The following STXBP6 variants were observed in gnomAD, a reference collection of about 807,000 sequenced individuals.
The protein encoded by STXBP6 is syntaxin-binding protein 6.
Under a neutral mutation model 26.9 loss-of-function variants are expected in STXBP6, and 21 were observed. The observed-to-expected ratio is 0.78, with a 90% confidence interval of 0.55 to 1.12. The LOEUF (loss-of-function observed/expected upper bound fraction) is 1.12, where lower values mean the gene tolerates loss of function less well. Among genes scored for constraint, STXBP6 ranks in the 50% most tolerant of loss-of-function variants. The pLI, the probability that STXBP6 is intolerant of heterozygous loss-of-function variation, is 0.00. For missense variants in STXBP6, 232 were observed against 257.9 expected (o/e 0.90, Z 0.69); for synonymous variants, 97 against 92.6 (o/e 1.05, Z -0.27).
intron 2 of STXBP6, among the ~76,000 whole-genome samples, chr14:24,969,774 A>G (rs1346909021): frequency 2.0e-5 from 3 of 152,230 alleles, no homozygotes; most frequent in Non-Finnish European, 4.4e-5. Context: ...CAGACCAGAC[A>G]CAAGCACAGG....
chr14:24,846,976 C>A (rs1379211048), intron 4 of STXBP6, among the ~76,000 whole-genome samples: 4 of 152,124 alleles, frequency 2.6e-5, no homozygotes, highest in Admixed American at 6.5e-5. Flanking sequence ...TTCTCATATA[C>A]TATGCTCAAA....
intron 2 of STXBP6, among the ~76,000 whole-genome samples, chr14:24,863,211 G>T (rs1053078336): frequency 7.2e-5 from 11 of 152,214 alleles, no homozygotes; most frequent in Admixed American, 5.2e-4. Flanking sequence ...CCCAGACTAG[G>T]ACCACGATAT....
intron 2 of STXBP6, among the ~76,000 whole-genome samples, chr14:24,953,377 A>T (rs1382143573): frequency 1.3e-5 from 2 of 152,116 alleles, no homozygotes; most frequent in Non-Finnish European, 2.9e-5. Context: ...TATCTTTGAG[A>T]GCCATTATCA....
chr14:24,974,574 A>T, intron 2 of STXBP6, 91 bp downstream of exon 2: 2 of 1,209,094 alleles, frequency 1.7e-6, no homozygotes, highest in Non-Finnish European at 2.3e-6. Context: ...ACACCTACAA[A>T]ACCTGTGAAT....
intron 2 of STXBP6, among the ~76,000 whole-genome samples, chr14:24,895,133 C>T (rs2070940948): frequency 6.6e-6 from 1 of 152,176 alleles, no homozygotes; most frequent in Admixed American, 6.5e-5. Context: ...CTGTTTTTCT[C>T]ACAGAAATCA....
In STXBP6 at chr14:24,974,775, A is replaced by G; in HGVS notation, c.44T>C (p.Leu15Pro). The part of the protein sequence containing the change: ...SAISKEIFAP[L>P]DERMLGAVQV... The stretch of plus-strand genomic sequence containing the variant: ...GACAGCTCCCAGCATCCTTTCATCA[A>G]GAGGTGCAAAAATTTCCTTGCTGAT... Residue 15 changes from leucine (L) to proline (P), a missense_variant, in exon 2 of 6, where the codon CTT becomes CCT. Physicochemically the swap from Leu to Pro is moderately conservative, Grantham distance 98. Transcript: ENST00000323944. 1.2e-6 allele frequency: 2 copies of G among 1,608,460 alleles called. No homozygotes were observed. The highest frequency in any genetic ancestry group is 1.7e-6 in the Non-Finnish European group (2 of 1,176,958).
At chr14:24,975,408 C>T (rs536659357) in intron 1 of STXBP6, among the ~76,000 whole-genome samples, 4 of 152,286 alleles carry the variant, frequency 2.6e-5, no homozygotes, top group South Asian at 2.1e-4. Context: ...CCTTTGATCA[C>T]GCTAAGTAAT....
At chr14:24,840,206 T>C (rs550867924) in intron 4 of STXBP6, among the ~76,000 whole-genome samples, 1 of 152,310 alleles carries the variant, frequency 6.6e-6, no homozygotes, top group Admixed American at 6.5e-5. Flanking sequence ...GGGATTATCA[T>C]TGATTTGAAA....
chr14:24,874,400 A>G (rs946481012), intron 2 of STXBP6, among the ~76,000 whole-genome samples: 4 of 152,062 alleles, frequency 2.6e-5, no homozygotes, highest in Non-Finnish European at 5.9e-5. Flanking sequence ...TTGCTCAGGT[A>G]TGTTCAGAAG....
intron 2 of STXBP6, among the ~76,000 whole-genome samples, chr14:24,936,683 C>G (rs1227810158): frequency 6.6e-6 from 1 of 152,204 alleles, no homozygotes; most frequent in Non-Finnish European, 1.5e-5. Flanking sequence ...CTCCCACCAA[C>G]AGTGTAAAAG....
intron 2 of STXBP6, among the ~76,000 whole-genome samples, chr14:24,955,908 C>T (rs1044245097): frequency 6.6e-6 from 1 of 152,160 alleles, no homozygotes; most frequent in African/African-American, 2.4e-5. Context: ...ATTCAGCTTT[C>T]GAGCTGAGGA....
intron 2 of STXBP6, among the ~76,000 whole-genome samples, chr14:24,873,936 T>G (rs1486920253): frequency 6.6e-6 from 1 of 152,194 alleles, no homozygotes; most frequent in Non-Finnish European, 1.5e-5. Flanking sequence ...CATGCCCACC[T>G]TGGATAGACA....
intron 1 of STXBP6, among the ~76,000 whole-genome samples, chr14:24,990,598 C>A (rs2074440838): frequency 7.3e-6 from 1 of 136,314 alleles, no homozygotes; most frequent in Non-Finnish European, 1.5e-5. Flanking sequence ...GCGGAGGTTG[C>A]AGTGAGTCGA....
chr14:24,881,734 A>C (rs61109574), intron 2 of STXBP6, among the ~76,000 whole-genome samples: 1,973 of 152,308 alleles, frequency 0.013, 40 homozygotes, highest in African/African-American at 0.043. Context: ...TGCTTGTGAA[A>C]AATAATGACA....
At chr14:24,872,404 G>C (rs1429851742) in intron 2 of STXBP6, among the ~76,000 whole-genome samples, 1 of 152,116 alleles carries the variant, frequency 6.6e-6, no homozygotes, top group Non-Finnish European at 1.5e-5. Context: ...CATACCTGAA[G>C]TCAGTGATAA....
intron 5 of STXBP6, among the ~76,000 whole-genome samples, chr14:24,815,503 ATATAT>A (rs1247630433): frequency 2.7e-5 from 4 of 149,432 alleles, no homozygotes; most frequent in Non-Finnish European, 5.9e-5. Flanking sequence ...ATATAATATT[ATATAT>A]TATAAGACCT....
chr14:24,822,968 G>C (rs753870158), intron 4 of STXBP6, among the ~76,000 whole-genome samples: 9 of 152,100 alleles, frequency 5.9e-5, no homozygotes, highest in Non-Finnish European at 1.2e-4. Flanking sequence ...TGGAAATAAA[G>C]CAGCCTCCTG....
chr14:25,032,827 G>A (rs1313065424), intron 1 of STXBP6, among the ~76,000 whole-genome samples: 1 of 152,284 alleles, frequency 6.6e-6, no homozygotes, highest in East Asian at 1.9e-4. Context: ...CTAGCATAAA[G>A]GGAAAAAGAC....
intron 2 of STXBP6, among the ~76,000 whole-genome samples, chr14:24,949,668 AAT>A (rs1371401933): frequency 6.6e-6 from 1 of 152,252 alleles, no homozygotes; most frequent in Non-Finnish European, 1.5e-5. Flanking sequence ...GATTAATAAA[AAT>A]AGTGTTAAAT....
Sources: allele counts gnomAD v4.1 joint callset (sites outside exome capture counted in the v4.1 genomes callset), GRCh38; gene constraint gnomAD v4.1.1; transcripts MANE v1.5; gene names NCBI Gene and HGNC (gene_info 2026-07-23, HGNC 2026-07-21).